INPP4B: variants seen among roughly 807,000 people sequenced by gnomAD.
The protein encoded by INPP4B is inositol polyphosphate 4-phosphatase type II.
In INPP4B, 55 loss-of-function variants were observed where a neutral mutation model predicts 122.5. The ratio of observed to expected loss-of-function variants is 0.45; its 90% CI spans 0.36 to 0.56. The LOEUF is 0.56. Among genes scored for constraint, INPP4B ranks in the 20% least tolerant of loss-of-function variants. The pLI, the probability that INPP4B is intolerant of heterozygous loss-of-function variation, is 0.00. For synonymous variants in INPP4B, 403 were observed against 388.7 expected (o/e 1.04, Z -0.43); for missense variants, 1,000 against 1,097.7 (o/e 0.91, Z 1.26).
intron 25 of INPP4B, among the ~76,000 whole-genome samples, chr4:142,043,379 C>T (rs1749351985): frequency 6.6e-6 from 1 of 152,168 alleles, no homozygotes; most frequent in South Asian, 2.1e-4. Flanking sequence ...AGAGGAATAA[C>T]TTCCAAGGTA....
intron 5 of INPP4B, chr4:142,423,712 C>A: frequency 2.5e-6 from 1 of 405,776 alleles, no homozygotes; most frequent in Non-Finnish European, 4.8e-6. Context: ...CAGATGTATA[C>A]TGAATTGCAT....
intron 1 of INPP4B, among the ~76,000 whole-genome samples, chr4:142,734,914 G>C (rs1766629685): frequency 6.6e-6 from 1 of 152,124 alleles, no homozygotes. Flanking sequence ...CAAAGTGCTT[G>C]GATTACAGGC....
chr4:142,819,826 T>C (rs1420221711), intron 1 of INPP4B, among the ~76,000 whole-genome samples: 2 of 152,016 alleles, frequency 1.3e-5, no homozygotes, highest in Non-Finnish European at 1.5e-5. Context: ...AGCCAATTAT[T>C]GACAGACACC....
chr4:142,766,104 A>G (rs1396884154), intron 1 of INPP4B: 3 of 152,226 alleles, frequency 2.0e-5, no homozygotes, highest in East Asian at 1.9e-4. Flanking sequence ...GGAATCAGAA[A>G]CAGAAATATC....
intron 1 of INPP4B, among the ~76,000 whole-genome samples, chr4:142,752,458 T>C (rs1769878323): frequency 6.6e-6 from 1 of 152,086 alleles, no homozygotes; most frequent in Non-Finnish European, 1.5e-5. Context: ...CAAGCTTCTG[T>C]CCCTAAGGCT....
At chr4:142,813,430 G>T (rs1011603026) in intron 1 of INPP4B, among the ~76,000 whole-genome samples, 1 of 152,098 alleles carries the variant, frequency 6.6e-6, no homozygotes, top group Non-Finnish European at 1.5e-5. Flanking sequence ...TTACTTGTAG[G>T]AGTCAGTTGG....
At chr4:142,799,868 T>C (rs1396239087) in intron 1 of INPP4B, among the ~76,000 whole-genome samples, 1 of 152,034 alleles carries the variant, frequency 6.6e-6, no homozygotes, top group African/African-American at 2.4e-5. Flanking sequence ...ACTCTTGTTC[T>C]GCAATAAGTA....
At chr4:142,729,690 T>A (rs1765812608) in intron 1 of INPP4B, among the ~76,000 whole-genome samples, 1 of 152,186 alleles carries the variant, frequency 6.6e-6, no homozygotes. Flanking sequence ...CTTTCACCTG[T>A]ACTATGCTTG....
At chr4:142,657,926 C>T (rs1754460038) in intron 2 of INPP4B, among the ~76,000 whole-genome samples, 1 of 152,064 alleles carries the variant, frequency 6.6e-6, no homozygotes, top group East Asian at 1.9e-4. Context: ...CTTCGGAAGG[C>T]CCCTGAAGTG....
chr4:142,674,184 C>T (rs2150646899), intron 2 of INPP4B, among the ~76,000 whole-genome samples: 1 of 152,246 alleles, frequency 6.6e-6, no homozygotes, highest in Middle Eastern at 3.4e-3. Context: ...TTCAATTCAA[C>T]TTCTCCCTCT....
chr4:142,507,469 G>C (rs1824172823), intron 2 of INPP4B, among the ~76,000 whole-genome samples: 1 of 151,810 alleles, frequency 6.6e-6, no homozygotes, highest in African/African-American at 2.4e-5. Context: ...GATTAATATA[G>C]ATAAATATTC....
chr4:142,035,505 A>G (rs1178357068), intron 25 of INPP4B, among the ~76,000 whole-genome samples: 1 of 152,196 alleles, frequency 6.6e-6, no homozygotes, highest in Non-Finnish European at 1.5e-5. Flanking sequence ...TAATCAAACC[A>G]AGTTGCAAGC....
At chr4:142,337,892 A>G (rs958099662) in intron 7 of INPP4B, among the ~76,000 whole-genome samples, 2 of 151,130 alleles carry the variant, frequency 1.3e-5, no homozygotes, top group Admixed American at 6.6e-5. Flanking sequence ...CGTCTCTTAG[A>G]CATTCATATT....
intron 2 of INPP4B, among the ~76,000 whole-genome samples, chr4:142,477,820 G>A (rs1251511614): frequency 6.6e-6 from 1 of 152,066 alleles, no homozygotes; most frequent in Non-Finnish European, 1.5e-5. Flanking sequence ...AGGACCAGAT[G>A]GATTCACAGA....
chr4:142,403,814 C>G (rs1802433423), intron 6 of INPP4B, among the ~76,000 whole-genome samples: 1 of 152,142 alleles, frequency 6.6e-6, no homozygotes, highest in South Asian at 2.1e-4. Context: ...TCAACAAATA[C>G]ATTTTGCTTG....
intron 25 of INPP4B, among the ~76,000 whole-genome samples, chr4:142,061,240 C>T (rs1284380152): frequency 6.6e-6 from 1 of 152,162 alleles, no homozygotes; most frequent in African/African-American, 2.4e-5. Context: ...AAACTCCCTG[C>T]TACCGTACAT....
intron 5 of INPP4B, among the ~76,000 whole-genome samples, chr4:142,427,904 T>C: frequency 6.6e-6 from 1 of 151,946 alleles, no homozygotes; most frequent in South Asian, 2.1e-4. Context: ...ACATTCTTTT[T>C]ATATCTGATA....
rs1424917870 is a variant in INPP4B at position 142,023,240 on chromosome 4, A to G, written c.*5542T>C. ...ATGGTTTACACAGAACAATAAAACA[A>G]AAATGATATCTCTTAAATGCCAACA... On this transcript the variant is annotated 3_prime_UTR_variant, in exon 26 of 26. Coordinates refer to ENST00000262992, the MANE Select transcript of INPP4B (RefSeq NM_001101669.3). The G allele has an allele frequency of 6.6e-6, 1 of 152,206 alleles. No homozygotes were observed. Among genetic ancestry groups the G allele is most frequent in the East Asian group, 1.9e-4 (1 of 5,198 alleles). 9.4% of individuals were successfully genotyped at this position (152,206 alleles called of 1,614,324 possible). A position where few individuals can be genotyped will look rare whatever the true frequency, so the allele number is the denominator to read the frequency against.
chr4:142,253,720 G>T (rs1283185931), intron 11 of INPP4B, among the ~76,000 whole-genome samples: 1 of 152,214 alleles, frequency 6.6e-6, no homozygotes, highest in African/African-American at 2.4e-5. Context: ...ACGGAGTCTG[G>T]CTGACTGCTA....
Sources: allele counts gnomAD v4.1 joint callset (sites outside exome capture counted in the v4.1 genomes callset), GRCh38; gene constraint gnomAD v4.1.1; transcripts MANE v1.5; gene names NCBI Gene and HGNC (gene_info 2026-07-23, HGNC 2026-07-21).